CHD1L: variants seen among roughly 807,000 people sequenced by gnomAD.
CHD1L encodes the protein ATP-dependent chromatin remodeler CHD1L.
In CHD1L, 118 loss-of-function variants were observed where a neutral mutation model predicts 115.9. The ratio of observed to expected loss-of-function variants is 1.02; its 90% CI spans 0.88 to 1.19. The LOEUF is 1.19. Among genes scored for constraint, CHD1L ranks in the 50% most tolerant of loss-of-function variants. The probability of loss-of-function intolerance (pLI) is 0.00; values close to 1 mark genes in which losing one functional copy is unlikely to be tolerated. For missense variants in CHD1L, 1,179 were observed against 1,065.3 expected, an observed-to-expected ratio of 1.11 and a Z score of -1.49; for synonymous variants, 411 against 387.1, an observed-to-expected ratio of 1.06 and a Z score of -0.72.
At chr1:147,185,718 A>G in the CHD1L span, among the ~76,000 whole-genome samples, 2 of 152,212 alleles carry the variant, frequency 1.3e-5, no homozygotes, top group Non-Finnish European at 2.9e-5. Flanking sequence ...AACATATTGT[A>G]CAACAGCTAT....
the CHD1L span, chr1:147,186,429 T>C: frequency 1.1e-6 from 1 of 914,482 alleles, no homozygotes; most frequent in South Asian, 5.0e-5. Context: ...ATTATTTCTC[T>C]TATCTCTCAG....
intron 1 of CHD1L, 22 bp from the exon 2 acceptor site, chr1:147,252,601 T>C: frequency 1.9e-6 from 3 of 1,583,384 alleles, no homozygotes; most frequent in Non-Finnish European, 2.6e-6. Flanking sequence ...CTCTTCGGAT[T>C]TGCTGTATTT....
the CHD1L span, among the ~76,000 whole-genome samples, chr1:147,227,823 C>A: frequency 2.6e-5 from 4 of 152,192 alleles, no homozygotes; most frequent in Non-Finnish European, 4.4e-5. Flanking sequence ...ACAATACAGT[C>A]TCACCTCTAC....
At position 147,285,490 on chromosome 1, in the gene CHD1L, ATGTC is replaced by A. The variant is rs1439847647; in HGVS notation, c.2018+6_2018+9del. 1 of 1,608,610 alleles carries A rather than the reference ATGTC, an allele frequency of 6.2e-7. No homozygotes were observed. The highest frequency in any genetic ancestry group is 8.5e-7 in the Non-Finnish European group (1 of 1,178,558). Reference sequence around the variant, plus strand: ...GAAGAGGCTGAACATAAGAAAAAGTATGTCTGCGTTAACCAAGCTGGCGGCCACA... The same window carrying A: ...GAAGAGGCTGAACATAAGAAAAAGTATGCGTTAACCAAGCTGGCGGCCACA... On this transcript the variant is annotated splice_donor_5th_base_variant and intron_variant, in intron 17 of 22. Transcript: ENST00000369258.
intron 5 of CHD1L, chr1:147,258,999 A>G (rs1671035264): frequency 6.6e-6 from 1 of 152,186 alleles, no homozygotes; most frequent in African/African-American, 2.4e-5. Flanking sequence ...CAACATAATC[A>G]TATTTATTAT....
At chr1:147,179,501 T>G in the CHD1L span, 1 of 1,578,928 alleles carries the variant, frequency 6.3e-7, no homozygotes, top group Non-Finnish European at 8.7e-7. Context: ...AGAAGCTAAA[T>G]CCAAAGAAAT....
At chr1:147,248,671 TTTTG>T (rs1667402930) in intron 1 of CHD1L, among the ~76,000 whole-genome samples, 1 of 152,214 alleles carries the variant, frequency 6.6e-6, no homozygotes, top group African/African-American at 2.4e-5. Context: ...AGAATTTTAT[TTTTG>T]TTTATTTACA....
Position 147,242,985 on chromosome 1 carries a change from C to A in CHD1L, c.127+155C>A, listed in dbSNP as rs1167023830. On this transcript the variant is annotated intron_variant, in intron 1 of 22. Transcript: ENST00000369258. ...TCCTGCCGTGGGCGGAGAGAAACTG[C>A]GCCCGGGCTTGGTGGCCACGGCCCC... The A allele has an allele frequency of 5.2e-6, 5 of 962,300 alleles. No individual in the cohort carries two copies. In the African/African-American group the frequency reaches 8.5e-5, roughly 16 times the overall value. The allele number at this position is 962,300 out of a possible 1,614,324, so 59.6% of individuals were successfully genotyped here.
chr1:147,291,611 A>C lies in CHD1L; in HGVS notation c.2391+59A>C, dbSNP rs1405744578. The stretch of plus-strand genomic sequence containing the variant: ...GTGGACTCACATCAACTTCTCTTGA[A>C]GTGTCCCCTGCCCCAATTGGCCTCT... On this transcript the variant is annotated intron_variant, in intron 20 of 22. Coordinates refer to ENST00000369258, the MANE Select transcript of CHD1L (RefSeq NM_004284.6). 5 of 1,391,826 alleles carry C rather than the reference A, an allele frequency of 3.6e-6. No individual in the cohort carries two copies. The East Asian group carries it at 1.1e-4, about 32-fold the overall frequency. 86.2% of individuals were successfully genotyped at this position (1,391,826 alleles called of 1,614,324 possible).
chr1:147,285,004 G>T (rs1421467296), intron 16 of CHD1L, among the ~76,000 whole-genome samples: 2 of 152,120 alleles, frequency 1.3e-5, no homozygotes, highest in East Asian at 3.8e-4. Flanking sequence ...CATCCTGCAG[G>T]GTATGCTTTT....
At chr1:147,274,322 C>CATTATT (rs1211971654) in intron 12 of CHD1L, among the ~76,000 whole-genome samples, 2 of 152,164 alleles carry the variant, frequency 1.3e-5, no homozygotes, top group Non-Finnish European at 2.9e-5. Context: ...GTGTCATTAT[C>CATTATT]ATTATTATTA....
the CHD1L span, chr1:147,208,665 C>T: frequency 6.1e-6 from 3 of 493,674 alleles, no homozygotes; most frequent in South Asian, 6.2e-5. Flanking sequence ...TCTCAAACTC[C>T]TGAGCTCAGG....
chr1:147,236,735 G>GTAGCTCCTCTCTGCGGCTGGT, the CHD1L span, among the ~76,000 whole-genome samples: 34 of 152,308 alleles, frequency 2.2e-4, 1 homozygote, highest in Middle Eastern at 3.4e-3. Context: ...CCTGGGGTGG[G>GTAGCTCCTCTCTGCGGCTGGT]TAGCTCCTCT....
the CHD1L span, among the ~76,000 whole-genome samples, chr1:147,226,193 C>T: frequency 0.67 from 101,144 of 150,988 alleles, 34,875 homozygotes; most frequent in African/African-American, 0.84. Flanking sequence ...GCAGTAGTAG[C>T]AGTGGTCTCC....
At chr1:147,212,066 C>A in the CHD1L span, among the ~76,000 whole-genome samples, 21 of 152,098 alleles carry the variant, frequency 1.4e-4, no homozygotes, top group Non-Finnish European at 2.9e-5. Flanking sequence ...CTAACAACCT[C>A]TCCCAGCAAT....
intron 10 of CHD1L, among the ~76,000 whole-genome samples, chr1:147,270,257 G>T (rs587737662): frequency 2.0e-5 from 3 of 152,296 alleles, no homozygotes; most frequent in African/African-American, 7.2e-5. Flanking sequence ...ATAACAGCCA[G>T]TAACAAGGGA....
At chr1:147,271,083 G>A (rs1676030087) in intron 11 of CHD1L, 78 bp downstream of exon 11, 2 of 1,180,966 alleles carry the variant, frequency 1.7e-6, no homozygotes, top group Non-Finnish European at 2.5e-6. Context: ...AGAATAATAT[G>A]GGATATGAGA....
chr1:147,266,192 A>G (rs1673856353), intron 8 of CHD1L, 105 bp downstream of exon 8: 3 of 1,114,564 alleles, frequency 2.7e-6, no homozygotes, highest in Admixed American at 2.5e-5. Context: ...AGAATATGGG[A>G]TGGAATTTTG....
At chr1:147,182,104 C>G in the CHD1L span, among the ~76,000 whole-genome samples, 1 of 152,194 alleles carries the variant, frequency 6.6e-6, no homozygotes, top group Non-Finnish European at 1.5e-5. Context: ...AGATCTACCT[C>G]AACATTCATT....
Sources: allele counts gnomAD v4.1 joint callset (sites outside exome capture counted in the v4.1 genomes callset), GRCh38; gene constraint gnomAD v4.1.1; transcripts MANE v1.5; gene names NCBI Gene and HGNC (gene_info 2026-07-23, HGNC 2026-07-21).